Variants in PCDHA10 observed in about 807,000 individuals in gnomAD.
PCDHA10 encodes protocadherin alpha 10, also known as protocadherin alpha-10.
A neutral mutation model predicts 61.2 loss-of-function variants in PCDHA10; 45 were observed. That is an observed-to-expected ratio of 0.74 (90% CI 0.58 to 0.94). The LOEUF is 0.94. Among genes scored for constraint, PCDHA10 ranks in the 40% least tolerant of loss-of-function variants. PCDHA10 has a pLI of 0.00. For synonymous variants in PCDHA10, 602 were observed against 548.8 expected, an observed-to-expected ratio of 1.10 and a Z score of -1.35; for missense variants, 1,278 against 1,236.2, an observed-to-expected ratio of 1.03 and a Z score of -0.51.
rs915171063 is a variant in PCDHA10 at position 140,977,108 on chromosome 5, T to C, written c.2389-1841T>C. On this transcript the variant is annotated intron_variant, in intron 1 of 3. Transcript: ENST00000307360. ...AAATGTGTCATTGGGGAAGTGAGAT[T>C]GTATAATGAACTGAGTTTCCTGGTC... 6.6e-5 allele frequency among the ~76,000 whole-genome samples: 10 copies of C among 152,302 alleles called. No homozygotes were observed. The East Asian group carries it at 1.9e-3, about 29-fold the overall frequency.
intron 1 of PCDHA10, among the ~76,000 whole-genome samples, chr5:140,974,406 T>C (rs903349256): frequency 3.9e-5 from 6 of 152,226 alleles, no homozygotes; most frequent in Non-Finnish European, 8.8e-5. Flanking sequence ...GTTCTAAAGT[T>C]ATGTTTATTT....
chr5:141,000,163 A>G (rs2097894710), intron 3 of PCDHA10, among the ~76,000 whole-genome samples: 1 of 152,054 alleles, frequency 6.6e-6, no homozygotes, highest in African/African-American at 2.4e-5. Context: ...AAACTATTTG[A>G]TTATTGAGCC....
chr5:140,913,531 A>T (rs1451484656), intron 1 of PCDHA10, among the ~76,000 whole-genome samples: 1 of 151,914 alleles, frequency 6.6e-6, no homozygotes, highest in Admixed American at 6.6e-5. Flanking sequence ...TTTTCAAAAG[A>T]TTGACTTTTT....
In PCDHA10 at chr5:141,011,207, G is replaced by A. The variant is rs79928365; in HGVS notation, c.*1270G>A. On this transcript the variant is annotated 3_prime_UTR_variant, in exon 4 of 4. Coordinates refer to ENST00000307360, the MANE Select transcript of PCDHA10 (RefSeq NM_018901.4). Reference sequence around the variant, plus strand: ...GAAAAATATTGTTTTCTCATACAGTGAGCAGATTTTTCAATCTACTAATTC... The same window carrying A: ...GAAAAATATTGTTTTCTCATACAGTAAGCAGATTTTTCAATCTACTAATTC... 325 of 153,804 alleles carry A rather than the reference G, an allele frequency of 2.1e-3. 2 individuals are homozygous for A. The highest frequency in any genetic ancestry group is 7.1e-3 in the African/African-American group (293 of 41,546). 9.5% of individuals were successfully genotyped at this position (153,804 alleles called of 1,614,324 possible). A position where few individuals can be genotyped will look rare whatever the true frequency, so the allele number is the denominator to read the frequency against.
chr5:140,896,635 C>T (rs539969970), intron 1 of PCDHA10, among the ~76,000 whole-genome samples: 4 of 152,178 alleles, frequency 2.6e-5, no homozygotes, highest in South Asian at 4.1e-4. Context: ...CCTTGGCCTC[C>T]CAAAGTGCTA....
At position 140,968,542 on chromosome 5, in the gene PCDHA10, G is replaced by A. The variant is rs782474856; in HGVS notation, c.2389-10407G>A. On this transcript the variant is annotated intron_variant, in intron 1 of 3. Transcript: ENST00000307360. ...CAACCAACTCGTCAGCAGCCTTCGA[G>A]ATGGTGCCTCGAACTGCCCCTGCTG... is the stretch of plus-strand genomic sequence containing the variant. The A allele has an allele frequency of 1.1e-5, 18 of 1,614,204 alleles. 2 individuals are homozygous for A. In the South Asian group the frequency reaches 2.0e-4, roughly 18 times the overall value.
rs1284021507 is a variant in PCDHA10 at position 140,883,838 on chromosome 5, G to A, written c.2388+25402G>A. The A allele has an allele frequency of 1.9e-6, 3 of 1,612,620 alleles. No individual in the cohort carries two copies. In the Admixed American group the frequency reaches 5.0e-5, roughly 27 times the overall value. ...CAAGGTGTACGCGCTGCAGCCGTTG[G>A]ACCACGAGGAGCTGGAGCTGTTGCA... On this transcript the variant is annotated intron_variant, in intron 1 of 3. Coordinates refer to ENST00000307360, the MANE Select transcript of PCDHA10 (RefSeq NM_018901.4).
intron 1 of PCDHA10, chr5:140,884,465 G>C (rs782791774): frequency 1.2e-6 from 2 of 1,613,634 alleles, no homozygotes; most frequent in Admixed American, 3.3e-5. Context: ...GGGCGCGTGC[G>C]CGCCGGGCAA....
At chr5:140,993,218 T>C (rs534348907) in intron 3 of PCDHA10, among the ~76,000 whole-genome samples, 1 of 152,330 alleles carries the variant, frequency 6.6e-6, no homozygotes, top group East Asian at 1.9e-4. Flanking sequence ...TTTAGCTTTT[T>C]GGTATGTTCT....
At chr5:140,901,340 T>G (rs1306421981) in intron 1 of PCDHA10, among the ~76,000 whole-genome samples, 1 of 152,206 alleles carries the variant, frequency 6.6e-6, no homozygotes, top group Non-Finnish European at 1.5e-5. Context: ...CGTTTTATAG[T>G]TTGATGTCTT....
At chr5:140,914,360 T>C (rs782101976) in intron 1 of PCDHA10, among the ~76,000 whole-genome samples, 10 of 152,218 alleles carry the variant, frequency 6.6e-5, no homozygotes, top group Non-Finnish European at 1.5e-4. Context: ...GTTTTTGTCT[T>C]GAGATCTATT....
rs982709387 is a variant in PCDHA10, at chr5:141,003,306, C to T, written c.2537-6321C>T. ...TGGATTATAGGATTACATGAAGTGG[C>T]CAGCTACTTCCAGAGGGCAGGGTTT... On this transcript the variant is annotated intron_variant, in intron 3 of 3. Coordinates refer to ENST00000307360, the MANE Select transcript of PCDHA10 (RefSeq NM_018901.4). 1.7e-4 allele frequency among the ~76,000 whole-genome samples: 26 copies of T among 152,276 alleles called. No homozygotes were observed. In the East Asian group the frequency reaches 4.1e-3, roughly 24 times the overall value.
intron 1 of PCDHA10, chr5:140,862,812 C>G (rs782335970): frequency 1.7e-6 from 1 of 572,078 alleles, no homozygotes; most frequent in Non-Finnish European, 3.4e-6. Context: ...TGCTGCAGTT[C>G]TAGGTGAGAG....
intron 1 of PCDHA10, among the ~76,000 whole-genome samples, chr5:140,975,268 G>C (rs1054634006): frequency 6.6e-6 from 1 of 152,102 alleles, no homozygotes; most frequent in African/African-American, 2.4e-5. Flanking sequence ...TCTGATTTCT[G>C]TCTCTGACCT....
intron 1 of PCDHA10, chr5:140,966,454 C>G (rs897696652): frequency 1.6e-5 from 7 of 426,406 alleles, no homozygotes; most frequent in Non-Finnish European, 1.6e-5. Flanking sequence ...TCCCCCTCCC[C>G]CTCTGTCTTC....
chr5:140,875,876 A>C, intron 1 of PCDHA10: 1 of 1,614,178 alleles, frequency 6.2e-7, no homozygotes, highest in South Asian at 1.1e-5. Flanking sequence ...GTGTTCAGAG[A>C]AAGGGAACAA....
chr5:140,918,425 T>A (rs1402096329), intron 1 of PCDHA10, among the ~76,000 whole-genome samples: 1 of 152,200 alleles, frequency 6.6e-6, no homozygotes, highest in Non-Finnish European at 1.5e-5. Flanking sequence ...TCCAGTAGGA[T>A]GTTGAATAGG....
chr5:141,003,057 TCCA>T (rs2098109750), intron 3 of PCDHA10, among the ~76,000 whole-genome samples: 1 of 152,194 alleles, frequency 6.6e-6, no homozygotes, highest in African/African-American at 2.4e-5. Context: ...ACAGAACAGT[TCCA>T]AATGCAGATG....
chr5:140,932,875 T>G (rs935730456), intron 1 of PCDHA10, among the ~76,000 whole-genome samples: 9 of 151,998 alleles, frequency 5.9e-5, no homozygotes, highest in African/African-American at 1.7e-4. Flanking sequence ...TTTGTTGTCT[T>G]CAATATTTTC....
Sources: gnomAD v4.1 joint callset for allele counts (sites outside exome capture counted in the v4.1 genomes callset) on GRCh38, gnomAD v4.1.1 for gene constraint, MANE v1.5 for transcripts, NCBI Gene and HGNC (gene_info 2026-07-23, HGNC 2026-07-21) for gene names.